The following CLDN10 variants were observed in gnomAD, a reference collection of about 807,000 sequenced individuals.
CLDN10 encodes claudin-10.
A neutral mutation model predicts 22.9 loss-of-function variants in CLDN10; 15 were observed. The observed-to-expected ratio is 0.65, with a 90% confidence interval of 0.44 to 1.01. The LOEUF (loss-of-function observed/expected upper bound fraction) is 1.01, where lower values mean the gene tolerates loss of function less well. CLDN10 is among the 50% of genes least tolerant of loss of function. CLDN10 has a pLI of 0.00. For synonymous variants in CLDN10, 114 were observed against 111.4 expected (o/e 1.02, Z -0.15); for missense variants, 247 against 287.8 (o/e 0.86, Z 1.03).
At chr13:95,529,526 T>C (rs185192006) in intron 1 of CLDN10, among the ~76,000 whole-genome samples, 1 of 152,314 alleles carries the variant, frequency 6.6e-6, no homozygotes, top group East Asian at 1.9e-4. Flanking sequence ...GTAGAATTCT[T>C]AGCTTCTAGG....
At chr13:95,511,308 T>G (rs939659075) in intron 1 of CLDN10, among the ~76,000 whole-genome samples, 1 of 151,962 alleles carries the variant, frequency 6.6e-6, no homozygotes, top group South Asian at 2.1e-4. Flanking sequence ...GCAAAACCTA[T>G]GATAGAATGG....
intron 3 of CLDN10, among the ~76,000 whole-genome samples, chr13:95,563,093 CCACTCTCT>C (rs1566339627): frequency 1.3e-5 from 1 of 74,404 alleles, no homozygotes; most frequent in Non-Finnish European, 3.4e-5. Flanking sequence ...CTCTGCCTAC[CCACTCTCT>C]CTCTCTCTCT....
chr13:95,463,674 G>A (rs1160722815), intron 1 of CLDN10, among the ~76,000 whole-genome samples: 1 of 151,892 alleles, frequency 6.6e-6, no homozygotes, highest in Admixed American at 6.6e-5. Flanking sequence ...ACTTACACAG[G>A]TTTAGCCATG....
At chr13:95,442,361 C>T (rs1450537778) in intron 1 of CLDN10, among the ~76,000 whole-genome samples, 1 of 152,176 alleles carries the variant, frequency 6.6e-6, no homozygotes, top group African/African-American at 2.4e-5. Flanking sequence ...AATGCAAAGC[C>T]TGATAGAAGC....
intron 1 of CLDN10, among the ~76,000 whole-genome samples, chr13:95,444,679 A>C (rs1354989638): frequency 6.6e-6 from 1 of 152,254 alleles, no homozygotes; most frequent in Admixed American, 6.5e-5. Context: ...GGACTCATCC[A>C]ACCCAAAAAT....
At chr13:95,481,169 C>T (rs1416502099) in intron 1 of CLDN10, among the ~76,000 whole-genome samples, 1 of 152,182 alleles carries the variant, frequency 6.6e-6, no homozygotes, top group Non-Finnish European at 1.5e-5. Context: ...GCACTCAGAG[C>T]ATGGCCTAGA....
rs1027385942 is a variant in CLDN10 at position 95,571,467 on chromosome 13, T to C, written c.465-5764T>C. Among the ~76,000 whole-genome samples, 13 of 152,144 alleles carry C rather than the reference T, an allele frequency of 8.5e-5. No homozygotes were observed. The East Asian group carries it at 2.5e-3, about 29-fold the overall frequency. ...TCACTATTTTGCAAGTCTTGTTGGA[T>C]GCCTTGGGTAGGAAGTCCTTTGGCA... On this transcript the variant is annotated intron_variant, in intron 3 of 4. Transcript: ENST00000299339.
intron 1 of CLDN10, among the ~76,000 whole-genome samples, chr13:95,446,513 T>C (rs2042380448): frequency 6.6e-6 from 1 of 152,230 alleles, no homozygotes; most frequent in Non-Finnish European, 1.5e-5. Flanking sequence ...GTTAATGACA[T>C]TCTATTTAAA....
intron 1 of CLDN10, among the ~76,000 whole-genome samples, chr13:95,512,005 C>G (rs1351271081): frequency 7.6e-6 from 1 of 132,258 alleles, no homozygotes; most frequent in African/African-American, 2.6e-5. Flanking sequence ...CCCTCTCCCC[C>G]CACCCCACAA....
intron 1 of CLDN10, among the ~76,000 whole-genome samples, chr13:95,454,824 G>A (rs532474437): frequency 1.8e-4 from 27 of 152,290 alleles, no homozygotes; most frequent in African/African-American, 5.3e-4. Context: ...GAATATTTTG[G>A]GGGAGGTGTG....
At chr13:95,436,466 TG>T (rs1310315074) in intron 1 of CLDN10, among the ~76,000 whole-genome samples, 2 of 152,208 alleles carry the variant, frequency 1.3e-5, no homozygotes, top group African/African-American at 4.8e-5. Flanking sequence ...ATTATAAGCA[TG>T]AGCCACCACG....
chr13:95,446,762 A>C (rs2042383560), intron 1 of CLDN10, among the ~76,000 whole-genome samples: 1 of 152,130 alleles, frequency 6.6e-6, no homozygotes, highest in Non-Finnish European at 1.5e-5. Flanking sequence ...GAATCGCTTG[A>C]ACCCAGGAGG....
chr13:95,539,622 A>C (rs2043438347), intron 1 of CLDN10, among the ~76,000 whole-genome samples: 1 of 152,256 alleles, frequency 6.6e-6, no homozygotes, highest in South Asian at 2.1e-4. Flanking sequence ...TAAGTTAGTA[A>C]TAAAAAGTTA....
intron 1 of CLDN10, among the ~76,000 whole-genome samples, chr13:95,451,241 T>C (rs572052080): frequency 2.8e-4 from 42 of 152,344 alleles, no homozygotes; most frequent in African/African-American, 9.4e-4. Flanking sequence ...TCAATCGAAC[T>C]GGACTTTGAG....
intron 1 of CLDN10, among the ~76,000 whole-genome samples, chr13:95,463,408 C>CTGTAG (rs974023215): frequency 1.1e-4 from 15 of 138,118 alleles, no homozygotes; most frequent in Non-Finnish European, 2.2e-4. Context: ...TCATGGCTCA[C>CTGTAG]TGTAGCCTGG....
intron 1 of CLDN10, among the ~76,000 whole-genome samples, chr13:95,499,242 T>A (rs773567946): frequency 2.0e-5 from 3 of 152,142 alleles, no homozygotes; most frequent in Non-Finnish European, 4.4e-5. Context: ...TTAGCCAGCA[T>A]TGAAAAGAGA....
intron 1 of CLDN10, among the ~76,000 whole-genome samples, chr13:95,464,249 C>T (rs1042818330): frequency 6.6e-6 from 1 of 152,068 alleles, no homozygotes; most frequent in African/African-American, 2.4e-5. Context: ...CTATCCCTCC[C>T]GCCTTCCCCC....
At chr13:95,568,412 C>T (rs1264440761) in intron 3 of CLDN10, among the ~76,000 whole-genome samples, 1 of 152,078 alleles carries the variant, frequency 6.6e-6, no homozygotes, top group Non-Finnish European at 1.5e-5. Flanking sequence ...ATATTTGGCG[C>T]TCTCTTTTGT....
intron 3 of CLDN10, among the ~76,000 whole-genome samples, chr13:95,562,407 A>C (rs1161780900): frequency 6.6e-6 from 1 of 152,130 alleles, no homozygotes; most frequent in Non-Finnish European, 1.5e-5. Context: ...TTTATTCAGA[A>C]ATGTTATTAA....
Sources: allele counts gnomAD v4.1 joint callset (sites outside exome capture counted in the v4.1 genomes callset), GRCh38; gene constraint gnomAD v4.1.1; transcripts MANE v1.5; gene names NCBI Gene and HGNC (gene_info 2026-07-23, HGNC 2026-07-21).